The following RAB4A variants were observed in gnomAD, a reference collection of about 807,000 sequenced individuals.
RAB4A encodes ras-related protein Rab-4A.
A neutral mutation model predicts 34.5 loss-of-function variants in RAB4A; 20 were observed. That is an observed-to-expected ratio of 0.58 (90% CI 0.41 to 0.84). The LOEUF (loss-of-function observed/expected upper bound fraction) is 0.84. Ranked by LOEUF, RAB4A falls within the 40% of genes least tolerant of loss-of-function variation. The pLI, the probability that RAB4A is intolerant of heterozygous loss-of-function variation, is 0.00. For missense variants in RAB4A, 228 were observed against 274.5 expected (o/e 0.83, Z 1.20); for synonymous variants, 102 against 100.0 (o/e 1.02, Z -0.12).
chr1:229,280,259 T>A (rs1004493796), intron 1 of RAB4A, among the ~76,000 whole-genome samples: 2 of 152,204 alleles, frequency 1.3e-5, no homozygotes, highest in Admixed American at 6.5e-5. Flanking sequence ...GAGAACATGA[T>A]GCATTCCTGC....
intron 6 of RAB4A, among the ~76,000 whole-genome samples, chr1:229,300,347 G>A (rs1477948810): frequency 1.3e-5 from 2 of 152,240 alleles, no homozygotes; most frequent in Non-Finnish European, 2.9e-5. Flanking sequence ...GGGAGGACAG[G>A]CCTGGAGGCC....
chr1:229,302,619 CCT>C (rs897559183), intron 6 of RAB4A, among the ~76,000 whole-genome samples: 3 of 151,064 alleles, frequency 2.0e-5, no homozygotes, highest in East Asian at 1.9e-4. Flanking sequence ...GAAAAGTCCC[CCT>C]GTTACCACCC....
intron 7 of RAB4A, 110 bp from the exon 8 acceptor site, chr1:229,303,696 G>T (rs1262356179): frequency 6.6e-6 from 1 of 152,164 alleles, no homozygotes; most frequent in Non-Finnish European, 1.5e-5. Flanking sequence ...GTAGGCACAG[G>T]CAAGTGTTAA....
chr1:229,297,367 T>G, intron 4 of RAB4A, 115 bp from the exon 5 acceptor site: 1 of 1,007,790 alleles, frequency 9.9e-7, no homozygotes, highest in South Asian at 1.8e-5. Flanking sequence ...ATCTTAAAGG[T>G]GTTGGTGCCA....
intron 3 of RAB4A, among the ~76,000 whole-genome samples, chr1:229,290,027 T>G (rs564448913): frequency 2.6e-5 from 4 of 152,116 alleles, no homozygotes; most frequent in Non-Finnish European, 5.9e-5. Flanking sequence ...TGCACAATTA[T>G]GATTGAGAGA....
chr1:229,280,107 TAAGC>T (rs1400309510), intron 1 of RAB4A, among the ~76,000 whole-genome samples: 2 of 152,162 alleles, frequency 1.3e-5, no homozygotes, highest in Non-Finnish European at 2.9e-5. Flanking sequence ...CATCCACTGT[TAAGC>T]AAGGAAAAAG....
chr1:229,299,329 C>T (rs1161031657), intron 6 of RAB4A, among the ~76,000 whole-genome samples: 1 of 152,168 alleles, frequency 6.6e-6, no homozygotes, highest in Non-Finnish European at 1.5e-5. Flanking sequence ...GTCAAGGTTT[C>T]AGGGAGTGTT....
chr1:229,279,816 A>C (rs934332929), intron 1 of RAB4A, among the ~76,000 whole-genome samples: 2 of 149,700 alleles, frequency 1.3e-5, no homozygotes, highest in Admixed American at 1.3e-4. Context: ...ATTCTGGAGA[A>C]AACCCTTATC....
rs924516548 is a variant in RAB4A, at chr1:229,273,170, G to A, written c.31+1800G>A. Among the ~76,000 whole-genome samples, 10 of 152,268 alleles carry A rather than the reference G, an allele frequency of 6.6e-5. No homozygotes were observed. In the South Asian group the frequency reaches 8.3e-4, roughly 13 times the overall value. On this transcript the variant is annotated intron_variant, in intron 1 of 7. Coordinates refer to ENST00000366690, the MANE Select transcript of RAB4A (RefSeq NM_004578.4). ...GTGGGGGTCATGAATCAGTAAGAAA[G>A]GATTGGAAGAGTTCAGGAGATAGAG...
intron 2 of RAB4A, among the ~76,000 whole-genome samples, chr1:229,286,880 C>G (rs1258543357): frequency 6.6e-6 from 1 of 152,144 alleles, no homozygotes; most frequent in Non-Finnish European, 1.5e-5. Context: ...CAGAGAAGCT[C>G]TAGGCATACA....
intron 1 of RAB4A, among the ~76,000 whole-genome samples, chr1:229,273,849 G>A (rs1346858204): frequency 6.6e-6 from 1 of 152,104 alleles, no homozygotes. Flanking sequence ...ACGTATCAGT[G>A]GCCATATTTA....
intron 3 of RAB4A, among the ~76,000 whole-genome samples, chr1:229,290,096 C>T (rs1474912129): frequency 1.3e-5 from 2 of 152,208 alleles, no homozygotes; most frequent in African/African-American, 2.4e-5. Context: ...GAAGGAGCTC[C>T]ACCTTAAGTA....
intron 1 of RAB4A, among the ~76,000 whole-genome samples, chr1:229,275,703 C>T (rs1443182015): frequency 6.6e-6 from 1 of 151,154 alleles, no homozygotes; most frequent in Non-Finnish European, 1.5e-5. Context: ...TCACTGCAAC[C>T]TCCACCTCCC....
At chr1:229,291,705 A>G (rs1169028755) in intron 3 of RAB4A, among the ~76,000 whole-genome samples, 1 of 152,168 alleles carries the variant, frequency 6.6e-6, no homozygotes, top group Non-Finnish European at 1.5e-5. Flanking sequence ...TACCAGAAAG[A>G]GAGAACTCAC....
intron 1 of RAB4A, among the ~76,000 whole-genome samples, chr1:229,281,130 C>T (rs920227409): frequency 6.6e-6 from 1 of 152,008 alleles, no homozygotes; most frequent in African/African-American, 2.4e-5. Context: ...TTCATTTCTC[C>T]GAGATGAATG....
chr1:229,292,399 G>C (rs975448147), intron 3 of RAB4A, among the ~76,000 whole-genome samples: 4 of 152,184 alleles, frequency 2.6e-5, no homozygotes, highest in Non-Finnish European at 2.9e-5. Context: ...ATCTTGAAGA[G>C]AACTCGTAGT....
At chr1:229,282,104 C>G (rs1656793681) in intron 1 of RAB4A, among the ~76,000 whole-genome samples, 1 of 151,874 alleles carries the variant, frequency 6.6e-6, no homozygotes, top group Non-Finnish European at 1.5e-5. Context: ...TATAGCTATT[C>G]TTTTGCAGGC....
chr1:229,293,164 G>A (rs1456957765), intron 3 of RAB4A, among the ~76,000 whole-genome samples: 1 of 152,222 alleles, frequency 6.6e-6, no homozygotes, highest in Non-Finnish European at 1.5e-5. Flanking sequence ...CTTAGGAGAC[G>A]AGGTATGGGG....
chr1:229,285,800 A>C (rs1234608844), intron 1 of RAB4A, among the ~76,000 whole-genome samples: 1 of 152,252 alleles, frequency 6.6e-6, no homozygotes, highest in African/African-American at 2.4e-5. Context: ...GAAGTTACTG[A>C]TACTACATCA....
Sources: gnomAD v4.1 joint callset for allele counts (sites outside exome capture counted in the v4.1 genomes callset) on GRCh38, gnomAD v4.1.1 for gene constraint, MANE v1.5 for transcripts, NCBI Gene and HGNC (gene_info 2026-07-23, HGNC 2026-07-21) for gene names.